Variants in MFAP3L observed in about 807,000 individuals in gnomAD.
The protein encoded by MFAP3L is microfibrillar-associated protein 3-like.
MFAP3L carries 5 observed loss-of-function variants against 20.0 expected under a neutral mutation model. That is an observed-to-expected ratio of 0.25 (90% CI 0.13 to 0.53). MFAP3L has a LOEUF of 0.53. Among genes scored for constraint, MFAP3L ranks in the 20% least tolerant of loss-of-function variants. MFAP3L has a pLI of 0.96. For missense variants in MFAP3L, 409 were observed against 527.5 expected (o/e 0.78, Z 2.20); for synonymous variants, 219 against 213.0 (o/e 1.03, Z -0.25).
At chr4:170,025,937 G>C (rs1350776133) in intron 1 of MFAP3L, among the ~76,000 whole-genome samples, 1 of 152,138 alleles carries the variant, frequency 6.6e-6, no homozygotes, top group Non-Finnish European at 1.5e-5. Flanking sequence ...AGGCTCGCCG[G>C]CAGCTGGCAG....
intron 1 of MFAP3L, among the ~76,000 whole-genome samples, chr4:170,024,713 A>C: frequency 6.6e-6 from 1 of 152,182 alleles, no homozygotes; most frequent in East Asian, 1.9e-4. Flanking sequence ...TGTTGTCTGG[A>C]TGTTTCAAGC....
Position 170,005,652 on chromosome 4 carries a change from G to C in MFAP3L, c.226C>G (p.Pro76Ala). ...ATGGAATTATACCACTTGAACTGTG[G>C]GTCAGGGATGCCATAAACACTACAG... ...INCSVYGIPD[P>A]QFKWYNSIGK... The change falls in exon 2 of 3, where the codon CCA (proline) becomes GCA (alanine). Residue 76 changes from proline (P) to alanine (A), a missense_variant. Transcript: ENST00000361618. The C allele has an allele frequency of 6.2e-7, 1 of 1,614,136 alleles. No homozygotes were observed. Among genetic ancestry groups the C allele is most frequent in the Admixed American group, 1.7e-5 (1 of 60,022 alleles).
At position 170,019,191 on chromosome 4, in the gene MFAP3L, T is replaced by C. The variant is rs190567250; in HGVS notation, c.-134+7043A>G. On this transcript the variant is annotated intron_variant, in intron 1 of 2. Transcript: ENST00000361618. ...TGGAGAAGAAAGGAGTTGGATGGTC[T>C]CCTCAGGGTGGTCATTACTGCCACA... 3.3e-5 allele frequency among the ~76,000 whole-genome samples: 5 copies of C among 152,322 alleles called. No individual in the cohort carries two copies. The East Asian group carries it at 7.7e-4, about 23-fold the overall frequency.
Position 169,991,187 on chromosome 4 carries a change from C to T in MFAP3L, c.*191G>A, listed in dbSNP as rs532023544. The T allele has an allele frequency of 8.7e-5, 54 of 618,748 alleles. No homozygotes were observed. The highest frequency in any genetic ancestry group is 1.3e-4 in the Non-Finnish European group (47 of 357,608). 38.3% of individuals were successfully genotyped at this position (618,748 alleles called of 1,614,324 possible). A position where few individuals can be genotyped will look rare whatever the true frequency, so the allele number is the denominator to read the frequency against. ...ATCAATTCTGCACCCTGATGTTTCTCGCACCCTTCTCTACTGGGGAAATTC... is the reference window on the plus strand; with the variant it reads ...ATCAATTCTGCACCCTGATGTTTCTTGCACCCTTCTCTACTGGGGAAATTC... On this transcript the variant is annotated 3_prime_UTR_variant, in exon 3 of 3. Transcript: ENST00000361618. This position sits in a 1 kb window ranked among gnomAD's most constrained non-coding sequence, Gnocchi z 4.9.
intron 2 of MFAP3L, chr4:169,997,802 C>CTTCTT: frequency 2.1e-6 from 2 of 940,298 alleles, no homozygotes; most frequent in Non-Finnish European, 2.5e-6. Context: ...TTCATTAATT[C>CTTCTT]TTTTTTTTTT....
chr4:170,021,463 G>A (rs887725590), intron 1 of MFAP3L, among the ~76,000 whole-genome samples: 11 of 152,162 alleles, frequency 7.2e-5, no homozygotes, highest in Non-Finnish European at 4.4e-5. Context: ...ATCTTATCAA[G>A]TCATACAAAT....
chr4:169,998,596 A>G (rs1371295223), intron 2 of MFAP3L, among the ~76,000 whole-genome samples: 1 of 148,560 alleles, frequency 6.7e-6, no homozygotes, highest in Admixed American at 6.7e-5. Flanking sequence ...AAGCTGACTG[A>G]AAAAAAAAAA....
chr4:170,009,185 C>T (rs1739224036), intron 1 of MFAP3L, among the ~76,000 whole-genome samples: 1 of 151,946 alleles, frequency 6.6e-6, no homozygotes, highest in Non-Finnish European at 1.5e-5. Context: ...GAGTTCGAGA[C>T]CAGCCTGGCC....
At chr4:170,022,453 A>G (rs1740095264) in intron 1 of MFAP3L, among the ~76,000 whole-genome samples, 1 of 152,212 alleles carries the variant, frequency 6.6e-6, no homozygotes, top group South Asian at 2.1e-4. Context: ...CATCACAGTA[A>G]AAGGACCACT....
Position 169,989,937 on chromosome 4 carries a change from G to A in MFAP3L, c.*1441C>T, listed in dbSNP as rs1737541498. The A allele has an allele frequency of 6.6e-6, 1 of 152,214 alleles. No homozygotes were observed. Among genetic ancestry groups the A allele is most frequent in the East Asian group, 1.9e-4 (1 of 5,204 alleles). The allele number at this position is 152,214 out of a possible 1,614,324, so 9.4% of individuals were successfully genotyped here. A position where few individuals can be genotyped will look rare whatever the true frequency, so the allele number is the denominator to read the frequency against. On this transcript the variant is annotated 3_prime_UTR_variant, in exon 3 of 3. Transcript: ENST00000361618. The stretch of plus-strand genomic sequence containing the variant: ...AAACCAACATTCTTATTTAAGTAAT[G>A]AAGCATGAAAATGTTAGGTGGACCA...
Position 169,992,675 on chromosome 4 carries a change from T to A in MFAP3L, c.299-366A>T, listed in dbSNP as rs1737813577. 6.6e-6 allele frequency among the ~76,000 whole-genome samples: 1 copy of A among 152,200 alleles called. No homozygotes were observed. The highest frequency in any genetic ancestry group is 2.1e-4 in the South Asian group (1 of 4,828). The stretch of plus-strand genomic sequence containing the variant: ...CATATTGTCTAACTCCACATCCTAG[T>A]GAAAAATGAGAGAAACAATCTGGAA... On this transcript the variant is annotated intron_variant, in intron 2 of 2. Transcript: ENST00000361618. The surrounding 1 kb of genome is among the most constrained non-coding windows in gnomAD (Gnocchi z 4.3).
At chr4:170,001,946 T>C (rs57330429) in intron 2 of MFAP3L, 2 of 985,450 alleles carry the variant, frequency 2.0e-6, no homozygotes, top group Non-Finnish European at 2.4e-6. Flanking sequence ...GGGGCTGGCA[T>C]GAATAACAGC....
At chr4:170,023,880 A>G (rs939039640) in intron 1 of MFAP3L, among the ~76,000 whole-genome samples, 3 of 152,242 alleles carry the variant, frequency 2.0e-5, no homozygotes, top group African/African-American at 7.2e-5. Context: ...TTTAAATTGC[A>G]AGCCAAATAG....
chr4:170,008,954 C>T (rs995581526), intron 1 of MFAP3L, among the ~76,000 whole-genome samples: 1 of 152,166 alleles, frequency 6.6e-6, no homozygotes, highest in African/African-American at 2.4e-5. Flanking sequence ...TGGAATCCAA[C>T]GGCAATTATT....
At chr4:170,013,817 T>C (rs915356704) in intron 1 of MFAP3L, among the ~76,000 whole-genome samples, 3 of 152,222 alleles carry the variant, frequency 2.0e-5, no homozygotes, top group African/African-American at 7.2e-5. Context: ...AGATAGCATC[T>C]CACTGTTACC....
At chr4:170,001,856 G>A (rs1738644499) in intron 2 of MFAP3L, 1 of 879,450 alleles carries the variant, frequency 1.1e-6, no homozygotes, top group South Asian at 5.2e-5. Context: ...GAATTGAAGT[G>A]ACAGCACCAG....
Position 169,992,237 on chromosome 4 carries a change from G to A in MFAP3L, c.371C>T (p.Thr124Met). 1.2e-6 allele frequency: 2 copies of A among 1,614,122 alleles called. No homozygotes were observed. Among genetic ancestry groups the A allele is most frequent in the African/African-American group, 1.3e-5 (1 of 75,028 alleles). The stretch of plus-strand genomic sequence containing the variant: ...GCCGTAGATGTTAGAAGCCACACAC[G>A]TGTATTTACCTCGGTCTGAGAAGGA... ...KVSFSDRGKY[T>M]CVASNIYGTV... Residue 124 changes from threonine (T) to methionine (M), a missense_variant, in exon 3 of 3, where the codon ACG becomes ATG. By Grantham distance (81) the Thr-to-Met change is moderately conservative. Coordinates refer to ENST00000361618, the MANE Select transcript of MFAP3L (RefSeq NM_021647.8). The surrounding 1 kb of genome is among the most constrained non-coding windows in gnomAD (Gnocchi z 4.3).
At chr4:170,003,792 G>C in intron 2 of MFAP3L, 1 of 985,444 alleles carries the variant, frequency 1.0e-6, no homozygotes, top group Non-Finnish European at 1.2e-6. Flanking sequence ...TAAGGTACCT[G>C]GCCTGCAGTG....
At chr4:170,002,079 T>A in intron 2 of MFAP3L, 1 of 985,290 alleles carries the variant, frequency 1.0e-6, no homozygotes, top group East Asian at 1.1e-4. Context: ...TTTGTGCATG[T>A]GCATGCCATG....
Sources: allele counts gnomAD v4.1 joint callset (sites outside exome capture counted in the v4.1 genomes callset), GRCh38; gene constraint gnomAD v4.1.1; non-coding constraint Gnocchi (gnomAD v3.1); transcripts MANE v1.5; gene names NCBI Gene and HGNC (gene_info 2026-07-23, HGNC 2026-07-21).